The following SPSB1 variants were observed in gnomAD, a reference collection of about 807,000 sequenced individuals.
The protein encoded by SPSB1 is splA/ryanodine receptor domain and SOCS box containing 1.
SPSB1 carries 8 observed loss-of-function variants against 21.2 expected under a neutral mutation model. The ratio of observed to expected loss-of-function variants is 0.38; its 90% CI spans 0.22 to 0.68. The LOEUF (loss-of-function observed/expected upper bound fraction) is 0.68, where lower values mean the gene tolerates loss of function less well. SPSB1 is among the 30% of genes least tolerant of loss of function. The probability of loss-of-function intolerance (pLI) is 0.53; values close to 1 mark genes in which losing one functional copy is unlikely to be tolerated. For synonymous variants in SPSB1, 169 were observed against 161.7 expected, an observed-to-expected ratio of 1.05 and a Z score of -0.34; for missense variants, 242 against 377.8, an observed-to-expected ratio of 0.64 and a Z score of 2.98.
intron 1 of SPSB1, among the ~76,000 whole-genome samples, chr1:9,332,663 G>A (rs1221441260): frequency 6.6e-6 from 1 of 152,194 alleles, no homozygotes; most frequent in Non-Finnish European, 1.5e-5. Flanking sequence ...ACAGGCGGAG[G>A]AGCTGAGACA....
intron 1 of SPSB1, among the ~76,000 whole-genome samples, chr1:9,341,445 C>T (rs1640089711): frequency 6.6e-6 from 1 of 152,230 alleles, no homozygotes; most frequent in Non-Finnish European, 1.5e-5. Context: ...GCAAGTTCTG[C>T]CTGTTCTGTG....
At chr1:9,314,041 C>T (rs937715008) in intron 1 of SPSB1, among the ~76,000 whole-genome samples, 19 of 151,896 alleles carry the variant, frequency 1.3e-4, no homozygotes, top group Admixed American at 9.8e-4. Flanking sequence ...CCAGGTGTGG[C>T]GGCGGGCACT....
At chr1:9,315,447 C>T (rs1300503658) in intron 1 of SPSB1, among the ~76,000 whole-genome samples, 1 of 152,264 alleles carries the variant, frequency 6.6e-6, no homozygotes, top group East Asian at 1.9e-4. Flanking sequence ...ACACACACAC[C>T]TTGTGGTTTC....
Position 9,345,441 on chromosome 1 carries a change from C to T in SPSB1, c.-149-10302C>T, listed in dbSNP as rs897583342. Reference sequence around the variant, plus strand: ...GGCAGTGTCGGTGGTCCATAGTCCACGTTTTATTCCTCTTGCCGTGGGAGG... The same window carrying T: ...GGCAGTGTCGGTGGTCCATAGTCCATGTTTTATTCCTCTTGCCGTGGGAGG... On this transcript the variant is annotated intron_variant, in intron 1 of 2. Coordinates refer to ENST00000328089, the MANE Select transcript of SPSB1 (RefSeq NM_025106.4). The surrounding 1 kb of genome is among the most constrained non-coding windows in gnomAD (Gnocchi z 4.8). Among the ~76,000 whole-genome samples the T allele has an allele frequency of 2.0e-5, 3 of 152,052 alleles. No homozygotes were observed. Among genetic ancestry groups the T allele is most frequent in the Non-Finnish European group, 2.9e-5 (2 of 68,004 alleles).
intron 1 of SPSB1, among the ~76,000 whole-genome samples, chr1:9,336,436 G>A (rs561776437): frequency 5.3e-4 from 80 of 152,182 alleles, no homozygotes; most frequent in South Asian, 1.2e-3. Flanking sequence ...ACGTTGGTCA[G>A]GCTGGTCTCA....
At chr1:9,338,560 C>G (rs72643830) in intron 1 of SPSB1, among the ~76,000 whole-genome samples, 1 of 152,150 alleles carries the variant, frequency 6.6e-6, no homozygotes, top group Non-Finnish European at 1.5e-5. Flanking sequence ...AGTATACTTT[C>G]TTCTTTGCTG....
At chr1:9,339,127 C>A (rs1252661245) in intron 1 of SPSB1, 1 of 787,632 alleles carries the variant, frequency 1.3e-6, no homozygotes, top group Non-Finnish European at 1.5e-6. Flanking sequence ...GGCCTGGGGA[C>A]CCTACTGCGG....
intron 1 of SPSB1, among the ~76,000 whole-genome samples, chr1:9,323,114 C>T (rs1331504454): frequency 6.6e-6 from 1 of 152,254 alleles, no homozygotes; most frequent in East Asian, 1.9e-4. Context: ...GACTTTGCGG[C>T]CTCTGCAGCC....
At chr1:9,311,556 G>A (rs1166666774) in intron 1 of SPSB1, among the ~76,000 whole-genome samples, 1 of 152,090 alleles carries the variant, frequency 6.6e-6, no homozygotes, top group Admixed American at 6.5e-5. Context: ...TCAAAGTCCT[G>A]GAAAAGGATC....
chr1:9,366,631 T>C (rs1277364382), intron 2 of SPSB1, among the ~76,000 whole-genome samples: 4 of 150,698 alleles, frequency 2.7e-5, no homozygotes, highest in Admixed American at 6.6e-5. Flanking sequence ...TAGAGTGCAG[T>C]GGCGTGATCT....
Position 9,363,451 on chromosome 1 carries a change from C to A in SPSB1, c.695-3997C>A, listed in dbSNP as rs1271072488. On this transcript the variant is annotated intron_variant, in intron 2 of 2. Coordinates refer to ENST00000328089, the MANE Select transcript of SPSB1 (RefSeq NM_025106.4). The surrounding 1 kb of genome is among the most constrained non-coding windows in gnomAD (Gnocchi z 4.5). ...GCAAGTCCTCTACCCCACACAGCTG[C>A]GTTCACAGGGGATGGATTGTGGCAG... Among the ~76,000 whole-genome samples the A allele has an allele frequency of 6.6e-6, 1 of 152,140 alleles. No homozygotes were observed. The highest frequency in any genetic ancestry group is 6.5e-5 in the Admixed American group (1 of 15,282).
At chr1:9,359,923 G>A (rs1569660265) in intron 2 of SPSB1, among the ~76,000 whole-genome samples, 1 of 152,282 alleles carries the variant, frequency 6.6e-6, no homozygotes, top group African/African-American at 2.4e-5. Context: ...GATGTGACGA[G>A]AAAGGGAAGC....
Position 9,346,167 on chromosome 1 carries a change from G to A in SPSB1, c.-149-9576G>A, listed in dbSNP as rs1017883457. Among the ~76,000 whole-genome samples, 5 of 152,372 alleles carry A rather than the reference G, an allele frequency of 3.3e-5. No individual in the cohort carries two copies. Among genetic ancestry groups the A allele is most frequent in the African/African-American group, 1.2e-4 (5 of 41,582 alleles). On this transcript the variant is annotated intron_variant, in intron 1 of 2. Transcript: ENST00000328089. The surrounding 1 kb of genome is among the most constrained non-coding windows in gnomAD (Gnocchi z 4.4). ...GGCATGTTTCTCTTGCAAAATCCTG[G>A]GCTGCCACCACTGATGTGTGAGACG... is the stretch of plus-strand genomic sequence containing the variant.
chr1:9,367,253 G>A lies in SPSB1; in HGVS notation c.695-195G>A, dbSNP rs75119470. ...GAGTGTTAGCAGAGGGCTCGCCCAG[G>A]TGCCCAGCCCAGGGTGGGCTCCTGG... On this transcript the variant is annotated intron_variant, in intron 2 of 2. Transcript: ENST00000328089. This position sits in a 1 kb window ranked among gnomAD's most constrained non-coding sequence, Gnocchi z 5.9. Among the ~76,000 whole-genome samples the A allele has an allele frequency of 6.9e-3, 1,046 of 152,348 alleles. 13 individuals carry two copies. The highest frequency in any genetic ancestry group is 0.023 in the African/African-American group (957 of 41,570).
chr1:9,308,198 CA>C (rs1283473127), intron 1 of SPSB1, among the ~76,000 whole-genome samples: 3 of 152,206 alleles, frequency 2.0e-5, no homozygotes, highest in Admixed American at 2.0e-4. Context: ...GAGAGGATGA[CA>C]GAAGTGTGCT....
chr1:9,320,592 T>C (rs1639705707), intron 1 of SPSB1, among the ~76,000 whole-genome samples: 1 of 152,178 alleles, frequency 6.6e-6, no homozygotes, highest in African/African-American at 2.4e-5. Flanking sequence ...CACGCAGCCC[T>C]CTCTTCCATT....
At chr1:9,357,210 T>G (rs1347826896) in intron 2 of SPSB1, among the ~76,000 whole-genome samples, 1 of 146,472 alleles carries the variant, frequency 6.8e-6, no homozygotes, top group Admixed American at 6.8e-5. Flanking sequence ...GGTGGATGGA[T>G]CAGTGAATGA....
Position 9,355,951 on chromosome 1 carries a change from G to A in SPSB1, c.60G>A (p.Arg20=). The change falls in exon 2 of 3, where the codon AGG becomes AGA. Residue 20 remains arginine (R), a synonymous_variant. Coordinates refer to ENST00000328089, the MANE Select transcript of SPSB1 (RefSeq NM_025106.4). The part of the protein sequence containing the change: ...KTVDMRDPTY[R]PLKQELQGLD... ...TGGACATGAGGGACCCCACGTACAG[G>A]CCCCTGAAGCAGGAGCTCCAGGGTC... 1 of 1,613,202 alleles carries A rather than the reference G, an allele frequency of 6.2e-7. No individual in the cohort carries two copies. The highest frequency in any genetic ancestry group is 1.3e-5 in the African/African-American group (1 of 75,016).
rs17377597 is a variant in SPSB1 at position 9,321,423 on chromosome 1, G to A, written c.-150+28352G>A. 0.18 allele frequency among the ~76,000 whole-genome samples: 26,669 copies of A among 152,104 alleles called. 2,759 individuals are homozygous for A. The highest frequency in any genetic ancestry group is 0.24 in the Middle Eastern group (72 of 294). On this transcript the variant is annotated intron_variant, in intron 1 of 2. Coordinates refer to ENST00000328089, the MANE Select transcript of SPSB1 (RefSeq NM_025106.4). The surrounding 1 kb of genome is among the most constrained non-coding windows in gnomAD (Gnocchi z 4.8). ...AGAGCGGATCCTGTGTGATTTTACG[G>A]AACTTGTCCTGACCCGTTATTCGTC...
Sources: allele counts gnomAD v4.1 joint callset (sites outside exome capture counted in the v4.1 genomes callset), GRCh38; gene constraint gnomAD v4.1.1; non-coding constraint Gnocchi (gnomAD v3.1); transcripts MANE v1.5; gene names NCBI Gene and HGNC (gene_info 2026-07-23, HGNC 2026-07-21).